The following PTPRS variants were observed in gnomAD, a reference collection of about 807,000 sequenced individuals.
PTPRS encodes protein tyrosine phosphatase receptor type S, also known as receptor-type tyrosine-protein phosphatase S.
PTPRS carries 63 observed loss-of-function variants against 215.3 expected under a neutral mutation model. That is an observed-to-expected ratio of 0.29 (90% CI 0.24 to 0.36). The LOEUF (loss-of-function observed/expected upper bound fraction) is 0.36, where lower values mean the gene tolerates loss of function less well. PTPRS is among the 10% of genes least tolerant of loss of function. PTPRS has a pLI of 1.00. For synonymous variants in PTPRS, 1,404 were observed against 1,191.4 expected (o/e 1.18, Z -3.68); for missense variants, 2,258 against 2,825.8 (o/e 0.80, Z 4.56).
intron 14 of PTPRS, 56 bp downstream of exon 14, chr19:5,231,254 A>T: frequency 6.6e-7 from 1 of 1,519,466 alleles, no homozygotes; most frequent in Non-Finnish European, 8.8e-7. Flanking sequence ...GAAGGCTTCG[A>T]GGCGGGGGCC....
chr19:5,260,039 C>G (rs991407729), intron 7 of PTPRS, among the ~76,000 whole-genome samples: 4 of 152,082 alleles, frequency 2.6e-5, no homozygotes, highest in Non-Finnish European at 5.9e-5. Flanking sequence ...TGGCTCTTCT[C>G]TGAGGCAAAA....
At chr19:5,277,987 T>A in intron 2 of PTPRS, 1 of 1,400,518 alleles carries the variant, frequency 7.1e-7, no homozygotes, top group Non-Finnish European at 1.0e-6. Context: ...GTCAAGGAGC[T>A]GGAAGTGCTG....
At chr19:5,270,339 G>C (rs1477739537) in intron 4 of PTPRS, among the ~76,000 whole-genome samples, 1 of 119,538 alleles carries the variant, frequency 8.4e-6, no homozygotes, top group Non-Finnish European at 1.6e-5. Context: ...CACCCAGACT[G>C]GGGTGCAGTA....
At chr19:5,315,354 T>C (rs1485684180) in intron 1 of PTPRS, among the ~76,000 whole-genome samples, 3 of 78,398 alleles carry the variant, frequency 3.8e-5, no homozygotes, top group African/African-American at 6.9e-5. Context: ...GAAAAGGGTT[T>C]TTTTTTTTTT....
rs754797426 is a variant in PTPRS at position 5,338,120 on chromosome 19, G to C, written c.-95+2544C>G. ...CCATCTCCCGCGGGGAGTGGGGAGC[G>C]GGCCAGTCCACCGCCTCTTGGGACG... On this transcript the variant is annotated intron_variant, in intron 1 of 37. Transcript: ENST00000262963. The surrounding 1 kb of genome is among the most constrained non-coding windows in gnomAD (Gnocchi z 4.2). 2.0e-5 allele frequency among the ~76,000 whole-genome samples: 3 copies of C among 152,138 alleles called. No individual in the cohort carries two copies. Among genetic ancestry groups the C allele is most frequent in the Non-Finnish European group, 2.9e-5 (2 of 68,022 alleles).
chr19:5,266,432 G>C (rs1350388336), intron 4 of PTPRS, among the ~76,000 whole-genome samples: 2 of 152,002 alleles, frequency 1.3e-5, no homozygotes, highest in African/African-American at 2.4e-5. Context: ...GCCTGGCCCA[G>C]AGGACACCGT....
chr19:5,324,400 GACCCAGGAGAAGA>G, intron 1 of PTPRS, among the ~76,000 whole-genome samples: 1 of 152,260 alleles, frequency 6.6e-6, no homozygotes, highest in South Asian at 2.1e-4. Context: ...CCCCTGGCAG[GACCCAGGAGAAGA>G]CAGTGACCCC....
intron 13 of PTPRS, among the ~76,000 whole-genome samples, chr19:5,233,642 A>G (rs1414977939): frequency 6.7e-5 from 10 of 149,942 alleles, no homozygotes. Context: ...GGCTTCATAG[A>G]ATAATAGCAT....
chr19:5,307,930 C>T (rs1254220674), intron 1 of PTPRS, among the ~76,000 whole-genome samples: 1 of 152,122 alleles, frequency 6.6e-6, no homozygotes, highest in Non-Finnish European at 1.5e-5. Flanking sequence ...GCTCCAATGG[C>T]GGGGTTGAGT....
At chr19:5,222,288 G>A in intron 18 of PTPRS, 68 bp from the exon 19 acceptor site, 1 of 1,364,110 alleles carries the variant, frequency 7.3e-7, no homozygotes, top group Non-Finnish European at 1.0e-6. Context: ...GCACTGGGTG[G>A]CGTGAAGCGG....
At chr19:5,331,763 C>T (rs2050333625) in intron 1 of PTPRS, among the ~76,000 whole-genome samples, 2 of 152,202 alleles carry the variant, frequency 1.3e-5, no homozygotes, top group Admixed American at 6.5e-5. Context: ...GTAGATAATT[C>T]GCAGCCCTGC....
At chr19:5,331,010 G>A (rs1304259761) in intron 1 of PTPRS, among the ~76,000 whole-genome samples, 4 of 151,882 alleles carry the variant, frequency 2.6e-5, no homozygotes, top group African/African-American at 9.7e-5. Context: ...CAATCTAAGC[G>A]TTCTGGCCCC....
chr19:5,229,213 A>C, intron 16 of PTPRS, 103 bp downstream of exon 16: 1 of 1,223,834 alleles, frequency 8.2e-7, no homozygotes, highest in Non-Finnish European at 1.0e-6. Context: ...CCAGAGGAGG[A>C]GACCGTTTTA....
At chr19:5,216,132 G>T (rs1236948885) in intron 26 of PTPRS, among the ~76,000 whole-genome samples, 1 of 152,142 alleles carries the variant, frequency 6.6e-6, no homozygotes, top group African/African-American at 2.4e-5. Context: ...ATGTGTGTGT[G>T]TACGTGAGAG....
intron 31 of PTPRS, 39 bp from the exon 32 acceptor site, chr19:5,212,289 C>A (rs758924243): frequency 7.7e-5 from 124 of 1,608,784 alleles, no homozygotes; most frequent in Non-Finnish European, 9.4e-5. Flanking sequence ...GGCTGCTGGG[C>A]TGCGGGGACC....
At chr19:5,268,698 G>A (rs572011422) in intron 4 of PTPRS, among the ~76,000 whole-genome samples, 125 of 152,296 alleles carry the variant, frequency 8.2e-4, no homozygotes, top group South Asian at 2.3e-3. Flanking sequence ...CAGGCGCAGC[G>A]CAGGCAACGG....
chr19:5,248,933 C>T (rs2044751258), intron 9 of PTPRS, among the ~76,000 whole-genome samples: 1 of 152,230 alleles, frequency 6.6e-6, no homozygotes, highest in Admixed American at 6.5e-5. Context: ...AGGCATGGAG[C>T]TGGTGAAGTT....
Position 5,287,397 on chromosome 19 carries a change from C to A in PTPRS, c.-94-1163G>T, listed in dbSNP as rs1599967646. 6.6e-6 allele frequency among the ~76,000 whole-genome samples: 1 copy of A among 152,224 alleles called. No homozygotes were observed. Among genetic ancestry groups the A allele is most frequent in the South Asian group, 2.1e-4 (1 of 4,832 alleles). On this transcript the variant is annotated intron_variant, in intron 1 of 37. Transcript: ENST00000262963. This position sits in a 1 kb window ranked among gnomAD's most constrained non-coding sequence, Gnocchi z 4.8. ...CAGCACGTTTCTCCCACAAGAACCTCAACTCCTCCAGGGCAGAAGGGTCCC... is the reference window on the plus strand; with the variant it reads ...CAGCACGTTTCTCCCACAAGAACCTAAACTCCTCCAGGGCAGAAGGGTCCC...
At position 5,221,104 on chromosome 19, in the gene PTPRS, A is replaced by G. The variant is rs1218832614; in HGVS notation, c.3351T>C (p.Thr1117=). The change falls in exon 20 of 38, where the codon ACT becomes ACC. Residue 1117 remains threonine (T), a synonymous_variant. Coordinates refer to ENST00000262963, the MANE Select transcript of PTPRS (RefSeq NM_002850.4). ...GGLQQTVTAW[T]AFNLLNGKPS... is the part of the protein sequence containing the mutation. ...GCTTGCCGTTGAGCAGGTTGAAGGC[A>G]GTCCAGGCGGTGACCGTCTGCTGGA... The G allele has an allele frequency of 2.5e-6, 4 of 1,613,918 alleles. No individual in the cohort carries two copies. The highest frequency in any genetic ancestry group is 3.4e-6 in the Non-Finnish European group (4 of 1,179,998).
Sources: gnomAD v4.1 joint callset for allele counts (sites outside exome capture counted in the v4.1 genomes callset) on GRCh38, gnomAD v4.1.1 for gene constraint, Gnocchi (gnomAD v3.1) non-coding constraint, MANE v1.5 for transcripts, NCBI Gene and HGNC (gene_info 2026-07-23, HGNC 2026-07-21) for gene names.